The following AUTS2 variants were observed in gnomAD, a reference collection of about 807,000 sequenced individuals.
The protein encoded by AUTS2 is autism susceptibility gene 2 protein.
A neutral mutation model predicts 112.4 loss-of-function variants in AUTS2; 17 were observed. That is an observed-to-expected ratio of 0.15 (90% CI 0.10 to 0.23). The LOEUF is 0.23. Ranked by LOEUF, AUTS2 falls within the 10% of genes least tolerant of loss-of-function variation. The pLI is 1.00. For synonymous variants in AUTS2, 751 were observed against 702.7 expected (o/e 1.07, Z -1.09); for missense variants, 1,510 against 1,701.6 (o/e 0.89, Z 1.98).
intron 1 of AUTS2, among the ~76,000 whole-genome samples, chr7:69,659,830 C>G (rs1191730469): frequency 1.3e-5 from 2 of 152,126 alleles, no homozygotes; most frequent in African/African-American, 4.8e-5. Flanking sequence ...TAAATCTCTT[C>G]CTCATTTTAT....
At chr7:70,042,943 A>T (rs1801310103) in intron 2 of AUTS2, among the ~76,000 whole-genome samples, 1 of 151,964 alleles carries the variant, frequency 6.6e-6, no homozygotes, top group Non-Finnish European at 1.5e-5. Flanking sequence ...CTCACGGCCC[A>T]GTCTAATTAT....
At chr7:69,752,113 A>G (rs1787764386) in intron 1 of AUTS2, among the ~76,000 whole-genome samples, 1 of 152,146 alleles carries the variant, frequency 6.6e-6, no homozygotes, top group African/African-American at 2.4e-5. Flanking sequence ...TGTACTGACT[A>G]AGGAGCCTTT....
At chr7:70,748,312 T>G (rs1265903323) in intron 6 of AUTS2, among the ~76,000 whole-genome samples, 1 of 152,200 alleles carries the variant, frequency 6.6e-6, no homozygotes, top group African/African-American at 2.4e-5. Context: ...TACAAAGTAT[T>G]TATTACATGG....
At chr7:70,159,665 A>T (rs1807972897) in intron 4 of AUTS2, among the ~76,000 whole-genome samples, 1 of 152,194 alleles carries the variant, frequency 6.6e-6, no homozygotes, top group South Asian at 2.1e-4. Context: ...AAATTTATGC[A>T]TATTTTCAAG....
intron 6 of AUTS2, among the ~76,000 whole-genome samples, chr7:70,752,079 A>G (rs576938959): frequency 1.1e-4 from 16 of 152,104 alleles, no homozygotes; most frequent in African/African-American, 3.9e-4. Context: ...TGCGTAGTAC[A>G]CAGTGTCATG....
intron 1 of AUTS2, among the ~76,000 whole-genome samples, chr7:69,881,743 T>C (rs1002487022): frequency 2.0e-5 from 3 of 152,162 alleles, no homozygotes; most frequent in African/African-American, 7.2e-5. Flanking sequence ...CTTTCTCTTA[T>C]TTGCATGTCT....
chr7:69,650,002 G>A lies in AUTS2; in HGVS notation c.309+50040G>A, dbSNP rs376869163. 7.9e-5 allele frequency among the ~76,000 whole-genome samples: 12 copies of A among 152,174 alleles called. No individual in the cohort carries two copies. In the South Asian group the frequency reaches 2.3e-3, roughly 29 times the overall value. ...AGTCTTATGCAGCAGCACAATTTTA[G>A]CCATCCAAACTGGGCCAGTTGTTTT... On this transcript the variant is annotated intron_variant, in intron 1 of 18. Transcript: ENST00000342771.
chr7:70,767,220 C>T (rs969906335), intron 9 of AUTS2, among the ~76,000 whole-genome samples: 2 of 152,108 alleles, frequency 1.3e-5, no homozygotes, highest in Non-Finnish European at 2.9e-5. Flanking sequence ...CCACTTCACC[C>T]AACTTTGCTT....
chr7:70,479,304 A>G (rs1289642929), intron 5 of AUTS2, among the ~76,000 whole-genome samples: 1 of 152,194 alleles, frequency 6.6e-6, no homozygotes, highest in African/African-American at 2.4e-5. Flanking sequence ...AGGTTGGGGA[A>G]AGGACACTTG....
At chr7:70,236,392 C>A (rs1015627050) in intron 4 of AUTS2, among the ~76,000 whole-genome samples, 1 of 152,102 alleles carries the variant, frequency 6.6e-6, no homozygotes, top group South Asian at 2.1e-4. Flanking sequence ...TATATGTGAC[C>A]TACTGTGCCA....
chr7:70,774,668 A>G (rs1790574010), intron 12 of AUTS2: 2 of 152,564 alleles, frequency 1.3e-5, no homozygotes, highest in African/African-American at 4.8e-5. Context: ...CCTGCTTCCA[A>G]AAAAGGAATC....
intron 2 of AUTS2, among the ~76,000 whole-genome samples, chr7:70,064,004 G>A (rs1232944573): frequency 6.6e-6 from 1 of 152,170 alleles, no homozygotes; most frequent in African/African-American, 2.4e-5. Context: ...TGTTTTCTCA[G>A]GATCAGACTA....
intron 2 of AUTS2, among the ~76,000 whole-genome samples, chr7:69,907,264 T>C (rs1163137008): frequency 1.3e-5 from 2 of 152,232 alleles, no homozygotes; most frequent in African/African-American, 4.8e-5. Context: ...TGACATCTTG[T>C]AGTGTTCTCT....
intron 1 of AUTS2, among the ~76,000 whole-genome samples, chr7:69,705,693 A>G (rs1361477886): frequency 6.6e-6 from 1 of 152,208 alleles, no homozygotes; most frequent in African/African-American, 2.4e-5. Context: ...ATTTGTGGCT[A>G]TATTCGTTGG....
intron 1 of AUTS2, among the ~76,000 whole-genome samples, chr7:69,886,855 C>A (rs1794300337): frequency 6.7e-6 from 1 of 150,016 alleles, no homozygotes; most frequent in Admixed American, 6.7e-5. Flanking sequence ...TTGGTGTGAT[C>A]ATGGCTCACT....
chr7:70,589,409 G>A (rs1352499517), intron 5 of AUTS2, among the ~76,000 whole-genome samples: 1 of 151,898 alleles, frequency 6.6e-6, no homozygotes, highest in Non-Finnish European at 1.5e-5. Flanking sequence ...GAAAAAAAAT[G>A]ACCTAGAAAG....
intron 1 of AUTS2, among the ~76,000 whole-genome samples, chr7:69,750,546 A>C (rs1562857743): frequency 1.3e-5 from 2 of 151,640 alleles, no homozygotes; most frequent in Non-Finnish European, 2.9e-5. Flanking sequence ...CCCAGGCTGG[A>C]GTGCAGTGGT....
At chr7:69,853,649 C>A (rs770255296) in intron 1 of AUTS2, among the ~76,000 whole-genome samples, 3 of 152,088 alleles carry the variant, frequency 2.0e-5, no homozygotes, top group Non-Finnish European at 2.9e-5. Context: ...CCAGGCAGCT[C>A]ATCACTTTGA....
intron 1 of AUTS2, among the ~76,000 whole-genome samples, chr7:69,798,501 AT>A (rs368100980): frequency 1.3e-5 from 2 of 151,378 alleles, no homozygotes; most frequent in Admixed American, 6.6e-5. Flanking sequence ...GTGGCCCCTA[AT>A]TTTTTTTTGT....
Sources: gnomAD v4.1 joint callset for allele counts (sites outside exome capture counted in the v4.1 genomes callset) on GRCh38, gnomAD v4.1.1 for gene constraint, MANE v1.5 for transcripts, NCBI Gene and HGNC (gene_info 2026-07-23, HGNC 2026-07-21) for gene names.